AGMO: variants seen among roughly 807,000 people sequenced by gnomAD.
AGMO encodes the protein alkylglycerol monooxygenase.
A neutral mutation model predicts 60.2 loss-of-function variants in AGMO; 75 were observed. The ratio of observed to expected loss-of-function variants is 1.25; its 90% confidence interval spans 1.03 to 1.51. The LOEUF (loss-of-function observed/expected upper bound fraction) is 1.51. Among genes scored for constraint, AGMO ranks in the 40% most tolerant of loss-of-function variants. AGMO has a pLI of 0.00. For synonymous variants in AGMO, 261 were observed against 177.1 expected (o/e 1.47, Z -3.76); for missense variants, 763 against 525.5 (o/e 1.45, Z -4.42).
At chr7:15,475,500 A>G (rs1782570747) in intron 3 of AGMO, among the ~76,000 whole-genome samples, 1 of 152,018 alleles carries the variant, frequency 6.6e-6, no homozygotes, top group Non-Finnish European at 1.5e-5. Context: ...ATGAGAATAC[A>G]TGGATGCAGG....
At chr7:15,543,464 G>A (rs1784686097) in intron 3 of AGMO, among the ~76,000 whole-genome samples, 1 of 152,132 alleles carries the variant, frequency 6.6e-6, no homozygotes, top group African/African-American at 2.4e-5. Flanking sequence ...GACATTTTGT[G>A]AAACTATGGT....
chr7:15,354,345 CGT>C (rs770392674), intron 12 of AGMO, among the ~76,000 whole-genome samples: 1 of 44,238 alleles, frequency 2.3e-5, no homozygotes, highest in Admixed American at 2.0e-4. Context: ...TATATACACG[CGT>C]GTATATAGAC....
chr7:15,358,494 G>C, intron 12 of AGMO: 1 of 465,596 alleles, frequency 2.1e-6, no homozygotes. Context: ...CGTGATTTCA[G>C]TCAGAACTGT....
intron 12 of AGMO, among the ~76,000 whole-genome samples, chr7:15,362,232 G>A (rs1295139900): frequency 6.6e-6 from 1 of 152,020 alleles, no homozygotes; most frequent in African/African-American, 2.4e-5. Flanking sequence ...ACACAGATTT[G>A]AAATTCATAA....
At chr7:15,196,793 G>A (rs1781127705), downstream of AGMO, among the ~76,000 whole-genome samples, 1 of 152,166 alleles carries the variant, frequency 6.6e-6, no homozygotes, top group Non-Finnish European at 1.5e-5. Context: ...GAAAGAACAT[G>A]CCCAAGAAAT....
chr7:15,290,874 G>A (rs1196269212), intron 12 of AGMO, among the ~76,000 whole-genome samples: 1 of 152,036 alleles, frequency 6.6e-6, no homozygotes, highest in African/African-American at 2.4e-5. Flanking sequence ...TAGACAAGGG[G>A]GCCATTAATA....
intron 5 of AGMO, among the ~76,000 whole-genome samples, chr7:15,409,345 G>A (rs1162435448): frequency 2.0e-5 from 3 of 151,900 alleles, no homozygotes; most frequent in Non-Finnish European, 4.4e-5. Context: ...ACCCACCAGG[G>A]TCTAACAAGT....
chr7:15,207,827 G>T (rs568403023), intron 12 of AGMO, among the ~76,000 whole-genome samples: 3 of 152,158 alleles, frequency 2.0e-5, no homozygotes, highest in Non-Finnish European at 2.9e-5. Flanking sequence ...CCAGCTACTC[G>T]GGAAGCTGAG....
chr7:15,169,375 A>G, the AGMO span, among the ~76,000 whole-genome samples: 1 of 152,080 alleles, frequency 6.6e-6, no homozygotes, highest in Non-Finnish European at 1.5e-5. Flanking sequence ...TCTCAATTCG[A>G]CTGAATTAAG....
At chr7:15,354,410 A>ACG (rs1782404905) in intron 12 of AGMO, among the ~76,000 whole-genome samples, 4 of 26,036 alleles carry the variant, frequency 1.5e-4, no homozygotes, top group Admixed American at 3.3e-4. Context: ...GTGTGTACAC[A>ACG]CGTGTGTGTA....
intron 12 of AGMO, among the ~76,000 whole-genome samples, chr7:15,289,229 G>A (rs1448550744): frequency 6.6e-6 from 1 of 151,722 alleles, no homozygotes; most frequent in African/African-American, 2.4e-5. Flanking sequence ...CAATAAGGAC[G>A]TTATTTTTAA....
intron 12 of AGMO, among the ~76,000 whole-genome samples, chr7:15,361,077 C>T (rs866547607): frequency 7.2e-5 from 11 of 152,028 alleles, no homozygotes; most frequent in Non-Finnish European, 7.4e-5. Context: ...TAAGTGATGC[C>T]TTATATGAAT....
chr7:15,291,679 G>A (rs947963729), intron 12 of AGMO, among the ~76,000 whole-genome samples: 2 of 152,218 alleles, frequency 1.3e-5, no homozygotes, highest in East Asian at 1.9e-4. Flanking sequence ...TACAAAGAGA[G>A]GATTGAAACA....
Position 15,502,678 on chromosome 7 carries a change from T to C in AGMO, c.409+42094A>G, listed in dbSNP as rs79015146. Reference sequence around the variant, plus strand: ...GAAGACCTCAGTTTGGCAACTAAGATGAAAAGCAATGCTTTTGGTGGTTAG... The same window carrying C: ...GAAGACCTCAGTTTGGCAACTAAGACGAAAAGCAATGCTTTTGGTGGTTAG... On this transcript the variant is annotated intron_variant, in intron 3 of 12. Transcript: ENST00000342526. Among the ~76,000 whole-genome samples the C allele has an allele frequency of 0.02, 3,073 of 152,112 alleles. 291 individuals carry two copies. In the East Asian group the frequency reaches 0.31, roughly 15 times the overall value.
intron 3 of AGMO, among the ~76,000 whole-genome samples, chr7:15,443,831 T>A (rs1238040253): frequency 6.6e-6 from 1 of 152,258 alleles, no homozygotes; most frequent in Non-Finnish European, 1.5e-5. Flanking sequence ...CTCCTTCTCA[T>A]GTACTGTTCT....
intron 2 of AGMO, among the ~76,000 whole-genome samples, chr7:15,548,758 G>A (rs1784862900): frequency 6.6e-6 from 1 of 152,178 alleles, no homozygotes; most frequent in Non-Finnish European, 1.5e-5. Context: ...TATTATCCAG[G>A]AGAACTTCCC....
the AGMO span, among the ~76,000 whole-genome samples, chr7:15,187,007 C>T: frequency 6.6e-6 from 1 of 152,158 alleles, no homozygotes; most frequent in Non-Finnish European, 1.5e-5. Context: ...TTAATTTAGA[C>T]CTATTCATCT....
intron 12 of AGMO, among the ~76,000 whole-genome samples, chr7:15,283,305 A>G (rs1434572013): frequency 2.0e-5 from 3 of 151,996 alleles, no homozygotes; most frequent in Non-Finnish European, 2.9e-5. Context: ...GATTAAAACC[A>G]TCACAAACCA....
intron 5 of AGMO, among the ~76,000 whole-genome samples, chr7:15,398,272 T>A (rs750042945): frequency 2.6e-5 from 4 of 152,174 alleles, no homozygotes; most frequent in Non-Finnish European, 4.4e-5. Context: ...CTGAGTGCAC[T>A]ATTTTTTTTT....
Sources: allele counts gnomAD v4.1 joint callset (sites outside exome capture counted in the v4.1 genomes callset), GRCh38; gene constraint gnomAD v4.1.1; transcripts MANE v1.5; gene names NCBI Gene and HGNC (gene_info 2026-07-23, HGNC 2026-07-21).